Variants in KCND2 observed in about 807,000 individuals in gnomAD.
The protein encoded by KCND2 is A-type voltage-gated potassium channel KCND2.
A neutral mutation model predicts 54.4 loss-of-function variants in KCND2; 16 were observed. The observed-to-expected ratio is 0.29, with a 90% CI of 0.20 to 0.45. The LOEUF (loss-of-function observed/expected upper bound fraction) is 0.45, where lower values mean the gene tolerates loss of function less well. KCND2 is among the 20% of genes least tolerant of loss of function. The pLI is 1.00. For missense variants in KCND2, 486 were observed against 824.2 expected (o/e 0.59, Z 5.02); for synonymous variants, 317 against 310.7 (o/e 1.02, Z -0.21).
intron 1 of KCND2, among the ~76,000 whole-genome samples, chr7:120,679,522 C>T (rs542215134): frequency 1.3e-5 from 2 of 151,916 alleles, no homozygotes; most frequent in East Asian, 3.9e-4. Context: ...TAAAATGAGA[C>T]ATTGGGATTT....
At chr7:120,275,791 GA>G in intron 1 of KCND2, 44 bp downstream of exon 1, 2 of 1,589,772 alleles carry the variant, frequency 1.3e-6, no homozygotes, top group Non-Finnish European at 1.7e-6. Context: ...GGGTATGGGT[GA>G]GGCGATTGTG....
At chr7:120,385,193 G>T (rs1047778018) in intron 1 of KCND2, among the ~76,000 whole-genome samples, 1 of 150,700 alleles carries the variant, frequency 6.6e-6, no homozygotes, top group South Asian at 2.1e-4. Context: ...TGGTAGAGAC[G>T]GGGTTTTATC....
chr7:120,483,773 G>C (rs1802648905), intron 1 of KCND2, among the ~76,000 whole-genome samples: 1 of 152,146 alleles, frequency 6.6e-6, no homozygotes, highest in African/African-American at 2.4e-5. Context: ...ATTTCAGTCA[G>C]CTAGTAAAAT....
intron 1 of KCND2, among the ~76,000 whole-genome samples, chr7:120,426,631 C>A (rs1282618549): frequency 5.7e-5 from 5 of 87,426 alleles, no homozygotes; most frequent in African/African-American, 4.1e-4. Flanking sequence ...GCTCTGTCGC[C>A]CAGGCTGGAG....
chr7:120,477,005 G>C (rs1283358023), intron 1 of KCND2, among the ~76,000 whole-genome samples: 1 of 152,150 alleles, frequency 6.6e-6, no homozygotes, highest in Non-Finnish European at 1.5e-5. Flanking sequence ...GAAGTAGTTG[G>C]ATTGTTCTGC....
At chr7:120,276,025 A>G (rs1799167973) in intron 1 of KCND2, among the ~76,000 whole-genome samples, 1 of 152,174 alleles carries the variant, frequency 6.6e-6, no homozygotes. Context: ...TAGTAGCAAT[A>G]TTTATATTAA....
intron 1 of KCND2, among the ~76,000 whole-genome samples, chr7:120,491,824 G>T (rs184756586): frequency 9.9e-4 from 150 of 151,674 alleles, no homozygotes; most frequent in African/African-American, 3.3e-3. Flanking sequence ...GTGCAATTTG[G>T]TAATTAATGT....
rs35460901 is a variant in KCND2, at chr7:120,745,844, G to A, written c.1532G>A (p.Arg511His). 2.5e-5 allele frequency: 41 copies of A among 1,613,726 alleles called. 1 individual carries two copies. Among genetic ancestry groups the A allele is most frequent in the African/African-American group, 6.7e-5 (5 of 75,010 alleles). Residue 511 changes from arginine to histidine, a missense_variant, in exon 5 of 6, where the codon CGT (arginine) becomes CAT (histidine). This residue lies in a region of KCND2 where 202 missense variants were observed against 252.7 expected (regional missense o/e 0.80). Coordinates refer to ENST00000331113, the MANE Select transcript of KCND2 (RefSeq NM_012281.3). ...ESCMEVATVNRPSSHSPSLSS... is the reference protein window; with the variant it reads ...ESCMEVATVNHPSSHSPSLSS... ...TGCATGGAAGTTGCAACTGTTAATC[G>A]TCCTTCAAGTCACAGTCCTTCACTG...
intron 1 of KCND2, among the ~76,000 whole-genome samples, chr7:120,351,548 T>C (rs1800406418): frequency 6.6e-6 from 1 of 151,848 alleles, no homozygotes; most frequent in South Asian, 2.1e-4. Context: ...TGTGATTTAA[T>C]GTTGTTATTT....
intron 1 of KCND2, among the ~76,000 whole-genome samples, chr7:120,321,842 C>G (rs1799896851): frequency 6.6e-6 from 1 of 152,068 alleles, no homozygotes; most frequent in Admixed American, 6.6e-5. Context: ...AACCTAATCA[C>G]AGTTAATCAT....
At chr7:120,509,423 A>G (rs971015174) in intron 1 of KCND2, among the ~76,000 whole-genome samples, 2 of 152,076 alleles carry the variant, frequency 1.3e-5, no homozygotes, top group Non-Finnish European at 2.9e-5. Flanking sequence ...TACATGTAAC[A>G]CAATTCTAAA....
At chr7:120,644,257 G>C (rs1793410887) in intron 1 of KCND2, among the ~76,000 whole-genome samples, 1 of 152,126 alleles carries the variant, frequency 6.6e-6, no homozygotes, top group Non-Finnish European at 1.5e-5. Context: ...CATTTCAGGG[G>C]CATTCCTGTT....
At chr7:120,433,591 C>T (rs1053726950) in intron 1 of KCND2, among the ~76,000 whole-genome samples, 4 of 152,120 alleles carry the variant, frequency 2.6e-5, no homozygotes, top group East Asian at 1.9e-4. Flanking sequence ...AAAAATACAT[C>T]GCATCCCTGA....
chr7:120,675,228 TTTTG>T (rs959783734), intron 1 of KCND2, among the ~76,000 whole-genome samples: 6 of 151,816 alleles, frequency 4.0e-5, no homozygotes, highest in African/African-American at 1.5e-4. Flanking sequence ...TTCTACTGCT[TTTTG>T]TTTGTTTGTT....
intron 1 of KCND2, among the ~76,000 whole-genome samples, chr7:120,412,623 A>G (rs779465157): frequency 3.3e-5 from 5 of 151,438 alleles, no homozygotes; most frequent in Non-Finnish European, 7.4e-5. Flanking sequence ...CTTTCCTCTC[A>G]CCCTGAGCTT....
At chr7:120,436,409 C>T (rs1394487853) in intron 1 of KCND2, among the ~76,000 whole-genome samples, 1 of 152,114 alleles carries the variant, frequency 6.6e-6, no homozygotes, top group Admixed American at 6.6e-5. Context: ...CCTTAGAATG[C>T]AATATTTGAT....
rs372964925 is a variant in KCND2, at chr7:120,747,747, T to C, written c.1782T>C (p.Thr594=). ...TAAACTGTGAACAACCTTATGTGAC[T>C]ACAGCAATAATAAGCATCCCAACAC... is the stretch of plus-strand genomic sequence containing the variant. ...VKLNCEQPYV[T]TAIISIPTPP... is the part of the protein sequence containing the mutation. Residue 594 remains threonine, a synonymous_variant, in exon 6 of 6, where the codon ACT becomes ACC. Coordinates refer to ENST00000331113, the MANE Select transcript of KCND2 (RefSeq NM_012281.3). The C allele has an allele frequency of 4.3e-6, 7 of 1,612,556 alleles. No individual in the cohort carries two copies. The African/African-American group carries it at 9.4e-5, about 22-fold the overall frequency.
At chr7:120,337,937 C>G (rs1800175808) in intron 1 of KCND2, among the ~76,000 whole-genome samples, 1 of 152,116 alleles carries the variant, frequency 6.6e-6, no homozygotes, top group South Asian at 2.1e-4. Flanking sequence ...AATATGCTGA[C>G]ATGGTGCATC....
chr7:120,576,965 A>G (rs1792442753), intron 1 of KCND2, among the ~76,000 whole-genome samples: 1 of 152,100 alleles, frequency 6.6e-6, no homozygotes, highest in Non-Finnish European at 1.5e-5. Context: ...TGGGCAACAC[A>G]GTGAAACTCC....
Sources: allele counts gnomAD v4.1 joint callset (sites outside exome capture counted in the v4.1 genomes callset), GRCh38; gene constraint gnomAD v4.1.1; regional missense constraint gnomAD v4.1.1; transcripts MANE v1.5; gene names NCBI Gene and HGNC (gene_info 2026-07-23, HGNC 2026-07-21).